The following LRFN5 variants were observed in gnomAD, a reference collection of about 807,000 sequenced individuals.
The protein encoded by LRFN5 is leucine-rich repeat and fibronectin type-III domain-containing protein 5.
Under a neutral mutation model 45.6 loss-of-function variants are expected in LRFN5, and 24 were observed. The ratio of observed to expected loss-of-function variants is 0.53; its 90% CI spans 0.38 to 0.74. The LOEUF is 0.74. Among genes scored for constraint, LRFN5 ranks in the 30% least tolerant of loss-of-function variants. The pLI is 0.00. For synonymous variants in LRFN5, 340 were observed against 313.8 expected (o/e 1.08, Z -0.88); for missense variants, 776 against 861.5 (o/e 0.90, Z 1.24).
chr14:41,626,982 A>T (rs1480735533), intron 1 of LRFN5, among the ~76,000 whole-genome samples: 1 of 152,108 alleles, frequency 6.6e-6, no homozygotes, highest in Non-Finnish European at 1.5e-5. Context: ...ATTTGCATTG[A>T]TGCATATTCC....
chr14:41,814,215 T>A (rs146242271), intron 2 of LRFN5, among the ~76,000 whole-genome samples: 2,035 of 152,318 alleles, frequency 0.013, 19 homozygotes, highest in Non-Finnish European at 0.018. Flanking sequence ...TTTTGGTATT[T>A]TAGTCATGAA....
At chr14:41,883,020 T>C (rs1454574985) in intron 2 of LRFN5, among the ~76,000 whole-genome samples, 2 of 151,968 alleles carry the variant, frequency 1.3e-5, no homozygotes, top group Non-Finnish European at 2.9e-5. Context: ...GGCTAATTTT[T>C]GTATTTTTAG....
intron 2 of LRFN5, among the ~76,000 whole-genome samples, chr14:41,832,194 G>C (rs964438927): frequency 6.6e-6 from 1 of 152,102 alleles, no homozygotes; most frequent in Non-Finnish European, 1.5e-5. Context: ...TTCTTGCCTA[G>C]TGTGGTGACC....
At chr14:41,768,051 A>G (rs1885950578) in intron 2 of LRFN5, among the ~76,000 whole-genome samples, 1 of 152,150 alleles carries the variant, frequency 6.6e-6, no homozygotes, top group South Asian at 2.1e-4. Context: ...ATATAGCTGA[A>G]ATTGTCAGTG....
Position 41,694,125 on chromosome 14 carries a change from G to A in LRFN5, c.-196-72729G>A, listed in dbSNP as rs142763818. Among the ~76,000 whole-genome samples, 226 of 152,054 alleles carry A rather than the reference G, an allele frequency of 1.5e-3. 1 individual carries two copies. Among genetic ancestry groups the A allele is most frequent in the Middle Eastern group, 3.4e-3 (1 of 294 alleles). On this transcript the variant is annotated intron_variant, in intron 1 of 5. Transcript: ENST00000298119. Reference sequence around the variant, plus strand: ...TTAATGTTTTACATATGTGTACAATGTGGAGTGGTTAAATAAAAGCTATGA... The same window carrying A: ...TTAATGTTTTACATATGTGTACAATATGGAGTGGTTAAATAAAAGCTATGA...
intron 1 of LRFN5, among the ~76,000 whole-genome samples, chr14:41,753,699 A>T (rs1318062329): frequency 2.0e-5 from 3 of 152,220 alleles, no homozygotes; most frequent in Non-Finnish European, 1.5e-5. Flanking sequence ...ATAAACAATC[A>T]TGTCATCTAC....
In LRFN5 at chr14:41,607,416, C is replaced by T. The variant is rs1353786137; in HGVS notation, c.-1343C>T. 6.6e-6 allele frequency among the ~76,000 whole-genome samples: 1 copy of T among 152,154 alleles called. No homozygotes were observed. Among genetic ancestry groups the T allele is most frequent in the African/African-American group, 2.4e-5 (1 of 41,436 alleles). ...GAAAGACTTGAGAAGACTTTGATAA[C>T]CTCCCTGCTGGCCCTTCTGTGTTCC... On this transcript the variant is annotated 5_prime_UTR_variant, in exon 1 of 6. Transcript: ENST00000298119.
At chr14:41,739,780 G>T (rs60442599) in intron 1 of LRFN5, among the ~76,000 whole-genome samples, 25,094 of 151,556 alleles carry the variant, frequency 0.17, 2,151 homozygotes, top group Admixed American at 0.19. Flanking sequence ...TAAAATTGGG[G>T]TTTTTTCAAA....
At chr14:41,846,718 C>T (rs906281359) in intron 2 of LRFN5, among the ~76,000 whole-genome samples, 6 of 152,110 alleles carry the variant, frequency 3.9e-5, no homozygotes, top group African/African-American at 1.4e-4. Context: ...CAGGTGTGAG[C>T]AATGCTGTGT....
At chr14:41,729,278 A>G (rs757896804) in intron 1 of LRFN5, among the ~76,000 whole-genome samples, 2 of 152,024 alleles carry the variant, frequency 1.3e-5, no homozygotes, top group Non-Finnish European at 2.9e-5. Context: ...TGGTTATTTA[A>G]AAGAGTGTAG....
intron 2 of LRFN5, among the ~76,000 whole-genome samples, chr14:41,844,456 A>G (rs1047511125): frequency 2.0e-5 from 3 of 150,520 alleles, no homozygotes; most frequent in South Asian, 2.1e-4. Context: ...AAAAATATGT[A>G]TATTTATATG....
At chr14:41,670,292 TATATATATATATAC>T (rs1403507413) in intron 1 of LRFN5, among the ~76,000 whole-genome samples, 1,888 of 65,666 alleles carry the variant, frequency 0.029, 100 homozygotes, top group East Asian at 0.11. Flanking sequence ...TATATATATA[TATATATATATATAC>T]ACACACACAG....
intron 1 of LRFN5, among the ~76,000 whole-genome samples, chr14:41,756,822 G>A (rs181165346): frequency 6.6e-6 from 1 of 152,156 alleles, no homozygotes; most frequent in Non-Finnish European, 1.5e-5. Flanking sequence ...CCTTGGAGGA[G>A]GAGAGGTGCT....
At chr14:41,638,484 G>A (rs1879413999) in intron 1 of LRFN5, among the ~76,000 whole-genome samples, 1 of 152,088 alleles carries the variant, frequency 6.6e-6, no homozygotes, top group South Asian at 2.1e-4. Context: ...GCAATTTAGT[G>A]AAGAAAAATG....
At chr14:41,723,201 T>C (rs886492992) in intron 1 of LRFN5, among the ~76,000 whole-genome samples, 2 of 152,154 alleles carry the variant, frequency 1.3e-5, no homozygotes, top group Non-Finnish European at 2.9e-5. Context: ...CCTGGAAATC[T>C]GCGTGGATGT....
At chr14:41,640,840 G>A (rs1301877275) in intron 1 of LRFN5, among the ~76,000 whole-genome samples, 1 of 151,842 alleles carries the variant, frequency 6.6e-6, no homozygotes, top group Non-Finnish European at 1.5e-5. Context: ...CTTCTGTCTT[G>A]CATGCTTCTG....
chr14:41,652,097 G>A (rs1043265884), intron 1 of LRFN5, among the ~76,000 whole-genome samples: 2 of 152,018 alleles, frequency 1.3e-5, no homozygotes, highest in African/African-American at 2.4e-5. Context: ...TTTGAGGGGA[G>A]CACAAACAAA....
intron 1 of LRFN5, among the ~76,000 whole-genome samples, chr14:41,614,651 G>A (rs1429547446): frequency 6.6e-6 from 1 of 151,958 alleles, no homozygotes; most frequent in African/African-American, 2.4e-5. Flanking sequence ...GTTAGAAAAA[G>A]GAACTATGGA....
chr14:41,704,446 C>G (rs78469870), intron 1 of LRFN5, among the ~76,000 whole-genome samples: 92,601 of 125,850 alleles, frequency 0.74, 33,974 homozygotes, highest in East Asian at 0.97. Context: ...CTCTCTCTCT[C>G]TCTGTGTGTG....
Sources: allele counts gnomAD v4.1 joint callset (sites outside exome capture counted in the v4.1 genomes callset), GRCh38; gene constraint gnomAD v4.1.1; transcripts MANE v1.5; gene names NCBI Gene and HGNC (gene_info 2026-07-23, HGNC 2026-07-21).